SOBP: variants seen among roughly 807,000 people sequenced by gnomAD.
SOBP encodes sine oculis binding protein homolog, also known as sine oculis-binding protein homolog.
In SOBP, 4 loss-of-function variants were observed where a neutral mutation model predicts 53.6. The observed-to-expected ratio is 0.07, with a 90% confidence interval of 0.04 to 0.17. SOBP has a LOEUF of 0.17. Ranked by LOEUF, SOBP falls within the 10% of genes least tolerant of loss-of-function variation. SOBP has a pLI of 1.00. For missense variants in SOBP, 1,088 were observed against 1,204.7 expected (o/e 0.90, Z 1.43); for synonymous variants, 584 against 522.6 (o/e 1.12, Z -1.60).
intron 4 of SOBP, among the ~76,000 whole-genome samples, chr6:107,541,262 A>G (rs918893281): frequency 7.9e-5 from 12 of 152,182 alleles, no homozygotes; most frequent in African/African-American, 4.8e-5. Context: ...TGTACTTCCA[A>G]ATGTGCTTTG....
chr6:107,557,190 G>A (rs1248964625), intron 4 of SOBP, among the ~76,000 whole-genome samples: 3 of 151,826 alleles, frequency 2.0e-5, no homozygotes, highest in Non-Finnish European at 2.9e-5. Flanking sequence ...CTAAAACTGA[G>A]GTATAGAAAA....
chr6:107,646,188 G>A (rs1769585624), intron 6 of SOBP, among the ~76,000 whole-genome samples: 1 of 152,256 alleles, frequency 6.6e-6, no homozygotes, highest in Non-Finnish European at 1.5e-5. Flanking sequence ...GAACGTCATC[G>A]CTGGAGTGCG....
At chr6:107,595,688 G>C (rs2115073348) in intron 5 of SOBP, among the ~76,000 whole-genome samples, 1 of 152,260 alleles carries the variant, frequency 6.6e-6, no homozygotes, top group Middle Eastern at 3.4e-3. Flanking sequence ...ATCATATTCA[G>C]TCATGTGCTT....
At chr6:107,544,219 T>G (rs767658636) in intron 4 of SOBP, among the ~76,000 whole-genome samples, 1 of 152,168 alleles carries the variant, frequency 6.6e-6, no homozygotes, top group Non-Finnish European at 1.5e-5. Context: ...AAAAGAGAAG[T>G]GTTCAGAAGA....
chr6:107,574,700 C>T (rs1253697464), intron 4 of SOBP, among the ~76,000 whole-genome samples: 1 of 152,166 alleles, frequency 6.6e-6, no homozygotes, highest in Non-Finnish European at 1.5e-5. Flanking sequence ...ATCCTTGCCT[C>T]ATCTTGGTCC....
At chr6:107,572,342 C>T (rs970577308) in intron 4 of SOBP, among the ~76,000 whole-genome samples, 1 of 147,952 alleles carries the variant, frequency 6.8e-6, no homozygotes, top group Non-Finnish European at 1.5e-5. Context: ...TTTGCTGTAT[C>T]GCCCAGGCTG....
chr6:107,542,577 A>G (rs777172481), intron 4 of SOBP, among the ~76,000 whole-genome samples: 3 of 152,156 alleles, frequency 2.0e-5, no homozygotes, highest in Non-Finnish European at 4.4e-5. Flanking sequence ...TCCCGTATGC[A>G]AGGGGGATTT....
chr6:107,545,505 C>T (rs547308870), intron 4 of SOBP, among the ~76,000 whole-genome samples: 6 of 152,186 alleles, frequency 3.9e-5, no homozygotes, highest in Admixed American at 3.9e-4. Context: ...GTTTCAGCCT[C>T]GCATGTAATT....
At chr6:107,541,856 A>T (rs1418237844) in intron 4 of SOBP, among the ~76,000 whole-genome samples, 3 of 152,186 alleles carry the variant, frequency 2.0e-5, no homozygotes, top group African/African-American at 7.2e-5. Flanking sequence ...GATAACAAAG[A>T]AAAAGGGGAA....
chr6:107,660,572 C>T lies in SOBP; in HGVS notation c.*2369C>T, dbSNP rs972256354. Among the ~76,000 whole-genome samples the T allele has an allele frequency of 2.6e-5, 4 of 152,182 alleles. No individual in the cohort carries two copies. Among genetic ancestry groups the T allele is most frequent in the Non-Finnish European group, 4.4e-5 (3 of 68,038 alleles). On this transcript the variant is annotated 3_prime_UTR_variant, in exon 7 of 7. Transcript: ENST00000317357. ...CACGGGTTCCACTCACATCCACACA[C>T]CATCTCACCCCACTGACTAGAGAGA...
At chr6:107,513,138 A>G (rs1468088513) in intron 3 of SOBP, among the ~76,000 whole-genome samples, 2 of 152,240 alleles carry the variant, frequency 1.3e-5, no homozygotes, top group Admixed American at 1.3e-4. Context: ...GTGGAGCAAC[A>G]TAAGATCGAT....
chr6:107,572,492 C>T (rs974996052), intron 4 of SOBP, among the ~76,000 whole-genome samples: 4 of 151,994 alleles, frequency 2.6e-5, no homozygotes, highest in African/African-American at 9.7e-5. Context: ...TTAGTAGAGA[C>T]AGGATTTTGC....
chr6:107,552,380 T>C (rs1784483815), intron 4 of SOBP, among the ~76,000 whole-genome samples: 1 of 152,216 alleles, frequency 6.6e-6, no homozygotes, highest in South Asian at 2.1e-4. Flanking sequence ...AATTTTAAGC[T>C]GTGCTATATG....
chr6:107,533,385 A>G, intron 3 of SOBP, 74 bp from the exon 4 acceptor site: 2 of 1,521,652 alleles, frequency 1.3e-6, no homozygotes, highest in Non-Finnish European at 1.8e-6. Flanking sequence ...TAGCTCTGTC[A>G]GGTTCAGGGT....
chr6:107,516,923 A>G (rs1218345638), intron 3 of SOBP, among the ~76,000 whole-genome samples: 2 of 152,228 alleles, frequency 1.3e-5, no homozygotes, highest in African/African-American at 4.8e-5. Context: ...TAAATATTGT[A>G]AAGAGGAAGA....
Position 107,530,804 on chromosome 6 carries a change from TATA to T in SOBP, c.422-2653_422-2651del, listed in dbSNP as rs1375086957. 8.5e-5 allele frequency among the ~76,000 whole-genome samples: 13 copies of T among 152,372 alleles called. 1 individual carries two copies. The East Asian group carries it at 2.5e-3, about 29-fold the overall frequency. On this transcript the variant is annotated intron_variant, in intron 3 of 6. Transcript: ENST00000317357. ...TCTAGAAGTTTTTCCAGCAGCCAGA[TATA>T]AAAGTGCACAATGTATTTGGTCTCA...
intron 4 of SOBP, among the ~76,000 whole-genome samples, chr6:107,559,462 T>A (rs2115022903): frequency 6.6e-6 from 1 of 152,260 alleles, no homozygotes; most frequent in South Asian, 2.1e-4. Flanking sequence ...AAGATGAAAT[T>A]TATTTAAACT....
chr6:107,522,144 G>T (rs1583169685), intron 3 of SOBP, among the ~76,000 whole-genome samples: 1 of 152,244 alleles, frequency 6.6e-6, no homozygotes, highest in East Asian at 1.9e-4. Context: ...TTTAAAGGCT[G>T]AGTGGAGGGA....
chr6:107,493,247 T>C (rs751242928), intron 1 of SOBP, among the ~76,000 whole-genome samples: 14 of 151,512 alleles, frequency 9.2e-5, no homozygotes, highest in Non-Finnish European at 1.8e-4. Flanking sequence ...GCTGCCTGGC[T>C]GTGTTTGCCT....
Sources: allele counts gnomAD v4.1 joint callset (sites outside exome capture counted in the v4.1 genomes callset), GRCh38; gene constraint gnomAD v4.1.1; transcripts MANE v1.5; gene names NCBI Gene and HGNC (gene_info 2026-07-23, HGNC 2026-07-21).